EPPK1: variants seen among roughly 807,000 people sequenced by gnomAD.
EPPK1 encodes the protein epiplakin 1, also known as epiplakin.
For synonymous variants in EPPK1, 1,862 were observed against 1,721.2 expected (o/e 1.08, Z -2.03); for missense variants, 3,823 against 3,673.3 (o/e 1.04, Z -1.05).
rs782094819 is a variant in EPPK1 at position 143,858,047 on chromosome 8, C to A, written c.15207G>T (p.Leu5069=). ...TCTCAGGGTCCAGGGTGGCCCTCTG[C>A]AGAAGCTGCAGGTACGTGAGGTTCT... ...THENLTYLQL[L]QRATLDPETG... Residue 5069 remains leucine, a synonymous_variant, in exon 2 of 2, where the codon CTG becomes CTT. Transcript: ENST00000615648. 6 of 1,613,264 alleles carry A rather than the reference C, an allele frequency of 3.7e-6. No homozygotes were observed. Among genetic ancestry groups the A allele is most frequent in the Non-Finnish European group, 5.1e-6 (6 of 1,179,940 alleles).
rs1563883201 is a variant in EPPK1 at position 143,869,044 on chromosome 8, A to G, written c.4210T>C (p.Phe1404Leu). 1 of 1,609,512 alleles carries G rather than the reference A, an allele frequency of 6.2e-7. No homozygotes were observed. The highest frequency in any genetic ancestry group is 8.5e-7 in the Non-Finnish European group (1 of 1,179,826). The change falls in exon 2 of 2, where the codon TTT (phenylalanine) becomes CTT (leucine). Residue 1404 changes from phenylalanine (F) to leucine (L), a missense_variant. Physicochemically the swap from Phe to Leu is conservative, Grantham distance 22. Coordinates refer to ENST00000615648, the MANE Select transcript of EPPK1 (RefSeq NM_031308.4). ...TAVDKDNKFF[F>L]DPSARDQVTY... ...ACCTGGTCCCGCGCACTGGGGTCAA[A>G]GAAGAACTTGTTGTCCTTGTCAACT...
chr8:143,873,755 T>TTGGGTGCCTCTC (rs202014480), intron 1 of EPPK1, among the ~76,000 whole-genome samples: 3,985 of 151,740 alleles, frequency 0.026, 179 homozygotes, highest in African/African-American at 0.09. Flanking sequence ...CTCCCCACCT[T>TTGGGTGCCTCTC]TTGTTCTCCA....
At chr8:143,876,986 C>A (rs930350372) in intron 1 of EPPK1, among the ~76,000 whole-genome samples, 10 of 152,370 alleles carry the variant, frequency 6.6e-5, no homozygotes, top group African/African-American at 2.4e-4. Context: ...AAGCGGGCCT[C>A]GTAAGCTCAG....
chr8:143,869,703 T>G lies in EPPK1; in HGVS notation c.3551A>C (p.Gln1184Pro). ...QLLASVQRWVQETKLLAQARV... is the reference protein window; with the variant it reads ...QLLASVQRWVPETKLLAQARV... Reference sequence around the variant, plus strand: ...GGCCTGGGCCAGGAGCTTGGTCTCCTGTACCCACCTCTGCACAGAGGCTAG... The same window carrying G: ...GGCCTGGGCCAGGAGCTTGGTCTCCGGTACCCACCTCTGCACAGAGGCTAG... Residue 1184 changes from glutamine (Q) to proline (P), a missense_variant, in exon 2 of 2, where the codon CAG becomes CCG. Gln to Pro is a moderately conservative substitution (Grantham distance 76). Coordinates refer to ENST00000615648, the MANE Select transcript of EPPK1 (RefSeq NM_031308.4). 13 of 1,596,166 alleles carry G rather than the reference T, an allele frequency of 8.1e-6. No homozygotes were observed. The highest frequency in any genetic ancestry group is 1.0e-5 in the Non-Finnish European group (12 of 1,172,426).
At position 143,872,485 on chromosome 8, in the gene EPPK1, C is replaced by A; in HGVS notation, c.769G>T (p.Ala257Ser). 1.3e-6 allele frequency: 2 copies of A among 1,592,834 alleles called. 1 individual carries two copies. ...CTGCCCTCCCGCAGACCCTGCACAGCCTGCTCGTCCAGGATGCCCACCTCC... is the reference window on the plus strand; with the variant it reads ...CTGCCCTCCCGCAGACCCTGCACAGACTGCTCGTCCAGGATGCCCACCTCC... The part of the protein sequence containing the change: ...LLEVGILDEQ[A>S]VQGLREGRLA... The change falls in exon 2 of 2, where the codon GCT becomes TCT. Residue 257 changes from alanine (A) to serine (S), a missense_variant. Coordinates refer to ENST00000615648, the MANE Select transcript of EPPK1 (RefSeq NM_031308.4).
Position 143,866,832 on chromosome 8 carries a change from C to G in EPPK1, c.6422G>C (p.Arg2141Thr), listed in dbSNP as rs782821082. The G allele has an allele frequency of 1.9e-6, 3 of 1,613,286 alleles. No individual in the cohort carries two copies. The highest frequency in any genetic ancestry group is 2.7e-5 in the African/African-American group (2 of 74,930). ...VTEEKKLQLV[R>T]MYRTHTRRAL... ...CCGTCTGGTGTGTGTTCTATACATC[C>G]TCACCAGCTGGAGCTTCTTCTCCTC... The change falls in exon 2 of 2, where the codon AGG becomes ACG. Residue 2141 changes from arginine to threonine, a missense_variant. Coordinates refer to ENST00000615648, the MANE Select transcript of EPPK1 (RefSeq NM_031308.4).
rs1440888619 is a variant in EPPK1 at position 143,872,268 on chromosome 8, A to G, written c.986T>C (p.Val329Ala). 1 of 1,608,206 alleles carries G rather than the reference A, an allele frequency of 6.2e-7. No individual in the cohort carries two copies. Among genetic ancestry groups the G allele is most frequent in the East Asian group, 2.2e-5 (1 of 44,798 alleles). Residue 329 changes from valine (V) to alanine (A), a missense_variant, in exon 2 of 2, where the codon GTG becomes GCG. Transcript: ENST00000615648. ...CAGCCGCTGGCCTGTGATGGGGTCC[A>G]CCAGGGTGTGGGTGGCAGCCTGGGC... is the stretch of plus-strand genomic sequence containing the variant. The part of the protein sequence containing the change: ...LEAQAATHTL[V>A]DPITGQRLWV...
chr8:143,871,130 C>T lies in EPPK1; in HGVS notation c.2124G>A (p.Lys708=), dbSNP rs1471013670. The change falls in exon 2 of 2, where the codon AAG becomes AAA. Residue 708 remains lysine, a synonymous_variant. Coordinates refer to ENST00000615648, the MANE Select transcript of EPPK1 (RefSeq NM_031308.4). ...TGCCGTGCTCCCGGACGATGAGGCCCTTCTGCATGGCCTGGAAGAGGGAGA... is the reference window on the plus strand; with the variant it reads ...TGCCGTGCTCCCGGACGATGAGGCCTTTCTGCATGGCCTGGAAGAGGGAGA... ...QQISLFQAMQ[K]GLIVREHGIR... 6.2e-7 allele frequency: 1 copy of T among 1,613,234 alleles called. No homozygotes were observed. Among genetic ancestry groups the T allele is most frequent in the Non-Finnish European group, 8.5e-7 (1 of 1,180,020 alleles).
At position 143,870,492 on chromosome 8, in the gene EPPK1, C is replaced by T. The variant is rs782505942; in HGVS notation, c.2762G>A (p.Gly921Asp). 1 of 1,606,002 alleles carries T rather than the reference C, an allele frequency of 6.2e-7. No individual in the cohort carries two copies. Among genetic ancestry groups the T allele is most frequent in the South Asian group, 1.1e-5 (1 of 90,702 alleles). The change falls in exon 2 of 2, where the codon GGC becomes GAC. Residue 921 changes from glycine to aspartate, a missense_variant. By Grantham distance (94) the Gly-to-Asp change is moderately conservative. Coordinates refer to ENST00000615648, the MANE Select transcript of EPPK1 (RefSeq NM_031308.4). The surrounding 1 kb of genome is among the most constrained non-coding windows in gnomAD (Gnocchi z 5.2). Reference protein sequence around the residue: ...ISPEALLLMDGVRRYLCGLGA... With the variant: ...ISPEALLLMDDVRRYLCGLGA... ...CAGGCCGCACAGGTACCTGCGGACGCCGTCCATGAGTAGGAGGGCCTCCGG... is the reference window on the plus strand; with the variant it reads ...CAGGCCGCACAGGTACCTGCGGACGTCGTCCATGAGTAGGAGGGCCTCCGG...
Position 143,865,960 on chromosome 8 carries a change from G to A in EPPK1, c.7294C>T (p.Arg2432Cys). 1.7e-5 allele frequency: 2 copies of A among 118,328 alleles called. No individual in the cohort carries two copies. The highest frequency in any genetic ancestry group is 2.3e-4 in the Admixed American group (1 of 4,304). 7.3% of individuals were successfully genotyped at this position (118,328 alleles called of 1,614,324 possible). A position where few individuals can be genotyped will look rare whatever the true frequency, so the allele number is the denominator to read the frequency against. The change falls in exon 2 of 2, where the codon CGC (arginine) becomes TGC (cysteine). Residue 2432 changes from arginine (R) to cysteine (C), a missense_variant. By Grantham distance (180) the Arg-to-Cys change is radical. Transcript: ENST00000615648. ...SAVHQLSEEL[R>C]CALRDARVTP... ...ACGCGGGCGTCGCGCAGGGCACAGC[G>A]CAGCTCCTCGCTCAGCTGGTGCACG... is the stretch of plus-strand genomic sequence containing the variant.
At position 143,865,391 on chromosome 8, in the gene EPPK1, G is replaced by C. The variant is rs1167254122; in HGVS notation, c.7863C>G (p.Thr2621=). Residue 2621 remains threonine (T), a synonymous_variant, in exon 2 of 2, where the codon ACC becomes ACG. Transcript: ENST00000615648. ...SQREGQGEGE[T]QEAAAAAAAA... ...CGGCGGCGGCGGCGGCGGCCTCCTGGGTCTCGCCCTCCCCCTGGCCCTCTC... is the reference window on the plus strand; with the variant it reads ...CGGCGGCGGCGGCGGCGGCCTCCTGCGTCTCGCCCTCCCCCTGGCCCTCTC... 3 of 331,104 alleles carry C rather than the reference G, an allele frequency of 9.1e-6. No homozygotes were observed. The highest frequency in any genetic ancestry group is 9.5e-6 in the Non-Finnish European group (2 of 210,576). The allele number at this position is 331,104 out of a possible 1,614,324, so 20.5% of individuals were successfully genotyped here.
At position 143,868,913 on chromosome 8, in the gene EPPK1, C is replaced by T. The variant is rs782564193; in HGVS notation, c.4341G>A (p.Ala1447=). 3.7e-5 allele frequency: 59 copies of T among 1,610,922 alleles called. No individual in the cohort carries two copies. Among genetic ancestry groups the T allele is most frequent in the East Asian group, 2.7e-4 (12 of 44,886 alleles). The change falls in exon 2 of 2, where the codon GCG becomes GCA. Residue 1447 remains alanine (A), a synonymous_variant. Transcript: ENST00000615648. ...DTVLEVDDHT[A]VALRAMKVPV... is the part of the protein sequence containing the mutation. ...GCACCTTCATGGCCCTCAGAGCCACCGCGGTGTGGTCGTCCACCTCAAGCA... is the reference window on the plus strand; with the variant it reads ...GCACCTTCATGGCCCTCAGAGCCACTGCGGTGTGGTCGTCCACCTCAAGCA...
intron 1 of EPPK1, 54 bp downstream of exon 1, chr8:143,878,384 C>T (rs1300520564): frequency 8.2e-5 from 11 of 134,554 alleles, no homozygotes; most frequent in South Asian, 2.1e-4. Context: ...TGCCCGCACC[C>T]GCCGCACCTG....
In EPPK1 at chr8:143,868,033, G is replaced by A; in HGVS notation, c.5221C>T (p.Gln1741Ter). ...PNTHENLTYL[Q>*]LLERCVEDPE... ...TCCTCCACACAGCGCTCCAGAAGCTGCAGGTACGTGAGGTTCTCGTGCGTG... is the reference window on the plus strand; with the variant it reads ...TCCTCCACACAGCGCTCCAGAAGCTACAGGTACGTGAGGTTCTCGTGCGTG... The change falls in exon 2 of 2, where the codon CAG (glutamine) becomes TAG (stop). Residue 1741 changes from glutamine to a stop codon, truncating the protein, a stop_gained. Coordinates refer to ENST00000615648, the MANE Select transcript of EPPK1 (RefSeq NM_031308.4). LOFTEE classifies it low-confidence loss of function (END_TRUNC). 6.2e-7 allele frequency: 1 copy of A among 1,613,710 alleles called. No homozygotes were observed. The highest frequency in any genetic ancestry group is 8.5e-7 in the Non-Finnish European group (1 of 1,180,032).
At position 143,869,514 on chromosome 8, in the gene EPPK1, C is replaced by A. The variant is rs531805402; in HGVS notation, c.3740G>T (p.Cys1247Phe). The A allele has an allele frequency of 1.9e-6, 3 of 1,550,826 alleles. No individual in the cohort carries two copies. In the South Asian group the frequency reaches 3.6e-5, roughly 18 times the overall value. Residue 1247 changes from cysteine to phenylalanine, a missense_variant, in exon 2 of 2, where the codon TGC becomes TTC. By Grantham distance (205) the Cys-to-Phe change is radical (BLOSUM62 -2). Coordinates refer to ENST00000615648, the MANE Select transcript of EPPK1 (RefSeq NM_031308.4). Reference protein sequence around the residue: ...AVKACLWGTGCVAGVLLQPSG... With the variant: ...AVKACLWGTGFVAGVLLQPSG... ...GGGCTGTAGCAGCACACCGGCCACGCAGCCTGTGCCCCACAGGCAGGCCTT... is the reference window on the plus strand; with the variant it reads ...GGGCTGTAGCAGCACACCGGCCACGAAGCCTGTGCCCCACAGGCAGGCCTT...
Position 143,869,818 on chromosome 8 carries a change from C to T in EPPK1, c.3436G>A (p.Asp1146Asn). The T allele has an allele frequency of 1.3e-6, 2 of 1,599,184 alleles. No individual in the cohort carries two copies. The highest frequency in any genetic ancestry group is 1.1e-5 in the South Asian group (1 of 88,710). The change falls in exon 2 of 2, where the codon GAC becomes AAC. Residue 1146 changes from aspartate to asparagine, a missense_variant. Transcript: ENST00000615648. ...GTGAAGTGGCAGGAGCTGAGCAGGT[C>T]CCAGAGGGATGTGCCATCCTTGGCC... is the stretch of plus-strand genomic sequence containing the variant. Reference protein sequence around the residue: ...PGAKDGTSLWDLLSSCHFTEE... With the variant: ...PGAKDGTSLWNLLSSCHFTEE...
Position 143,871,936 on chromosome 8 carries a change from C to A in EPPK1, c.1318G>T (p.Asp440Tyr). Residue 440 changes from aspartate (D) to tyrosine (Y), a missense_variant, in exon 2 of 2, where the codon GAC (aspartate) becomes TAC (tyrosine). By Grantham distance (160) the Asp-to-Tyr change is radical. Coordinates refer to ENST00000615648, the MANE Select transcript of EPPK1 (RefSeq NM_031308.4). ...RQLSQAGSFSDGTHGGLRYEQ... is the reference protein window; with the variant it reads ...RQLSQAGSFSYGTHGGLRYEQ... ...TAGCGCAGGCCGCCGTGCGTGCCGT[C>A]TGAGAAGCTGCCAGCCTGCGAGAGC... 1.2e-6 allele frequency: 2 copies of A among 1,602,610 alleles called. No homozygotes were observed. Among genetic ancestry groups the A allele is most frequent in the South Asian group, 1.1e-5 (1 of 90,798 alleles).
Position 143,869,425 on chromosome 8 carries a change from G to A in EPPK1, c.3829C>T (p.Gln1277Ter), listed in dbSNP as rs563064000. The change falls in exon 2 of 2, where the codon CAG becomes TAG. Residue 1277 changes from glutamine to a stop codon, truncating the protein, a stop_gained. Coordinates refer to ENST00000615648, the MANE Select transcript of EPPK1 (RefSeq NM_031308.4). LOFTEE classifies it low-confidence loss of function (END_TRUNC). ...RDGLLPTGLG[Q>*]RLLEAQVASG... ...GCCACCTGGGCTTCCAGCAGCCTCTGGCCCAGGCCTGTGGGCAGGAGGCCA... is the reference window on the plus strand; with the variant it reads ...GCCACCTGGGCTTCCAGCAGCCTCTAGCCCAGGCCTGTGGGCAGGAGGCCA... 337 of 1,597,940 alleles carry A rather than the reference G, an allele frequency of 2.1e-4. 8 individuals carry two copies. In the South Asian group the frequency reaches 3.6e-3, roughly 17 times the overall value.
rs1364163455 is a variant in EPPK1, at chr8:143,866,251, C to T, written c.7003G>A (p.Gly2335Ser). Reference protein sequence around the residue: ...MQKDLIVREHGIRLLEAQIAT... With the variant: ...MQKDLIVREHSIRLLEAQIAT... The stretch of plus-strand genomic sequence containing the variant: ...ATCTGGGCCTCCAGCAGGCGGATGC[C>T]GTGCTCCCGGACGATGAGGTCCTTC... The change falls in exon 2 of 2, where the codon GGC (glycine) becomes AGC (serine). Residue 2335 changes from glycine (G) to serine (S), a missense_variant. Physicochemically the swap from Gly to Ser is moderately conservative, Grantham distance 56. Coordinates refer to ENST00000615648, the MANE Select transcript of EPPK1 (RefSeq NM_031308.4). The T allele has an allele frequency of 6.7e-5, 32 of 474,678 alleles. No homozygotes were observed. The highest frequency in any genetic ancestry group is 9.6e-4 in the Middle Eastern group (2 of 2,094). The allele number at this position is 474,678 out of a possible 1,614,324, so 29.4% of individuals were successfully genotyped here.
Sources: gnomAD v4.1 joint callset for allele counts (sites outside exome capture counted in the v4.1 genomes callset) on GRCh38, gnomAD v4.1.1 for gene constraint, Gnocchi (gnomAD v3.1) non-coding constraint, MANE v1.5 for transcripts, NCBI Gene and HGNC (gene_info 2026-07-23, HGNC 2026-07-21) for gene names.